The following HIP1 variants were observed in gnomAD, a reference collection of about 807,000 sequenced individuals.
HIP1 encodes the protein huntingtin-interacting protein 1.
Under a neutral mutation model 147.6 loss-of-function variants are expected in HIP1, and 65 were observed. The observed-to-expected ratio is 0.44, with a 90% confidence interval of 0.36 to 0.54. HIP1 has a LOEUF of 0.54. HIP1 is among the 20% of genes least tolerant of loss of function. HIP1 has a pLI of 0.00. For missense variants in HIP1, 1,061 were observed against 1,299.6 expected, an observed-to-expected ratio of 0.82 and a Z score of 2.82; for synonymous variants, 479 against 504.0, an observed-to-expected ratio of 0.95 and a Z score of 0.67.
rs782666524 is a variant in HIP1, at chr7:75,558,218, T to C, written c.1413A>G (p.Leu471=). Reference sequence around the variant, plus strand: ...GAACCAGCTCGCTGTACTTCTCCTTTAGCTTGCTATATCGCTGTTCATTGG... The same window carrying C: ...GAACCAGCTCGCTGTACTTCTCCTTCAGCTTGCTATATCGCTGTTCATTGG... ...AQANEQRYSK[L]KEKYSELVQN... The change falls in exon 15 of 31, where the codon CTA becomes CTG. Residue 471 remains leucine, a synonymous_variant. Transcript: ENST00000336926. 6.2e-7 allele frequency: 1 copy of C among 1,614,208 alleles called. No homozygotes were observed. Among genetic ancestry groups the C allele is most frequent in the Non-Finnish European group, 8.5e-7 (1 of 1,180,014 alleles).
chr7:75,695,904 T>A (rs1800620138), intron 1 of HIP1, among the ~76,000 whole-genome samples: 1 of 151,610 alleles, frequency 6.6e-6, no homozygotes, highest in African/African-American at 2.4e-5. Context: ...CCTCTCCACC[T>A]GCCTTCAGTT....
At chr7:75,724,279 C>T (rs550899996) in intron 1 of HIP1, among the ~76,000 whole-genome samples, 1 of 148,670 alleles carries the variant, frequency 6.7e-6, no homozygotes, top group Non-Finnish European at 1.5e-5. Context: ...GGCTGAGTCT[C>T]ACTCTGTCGC....
chr7:75,573,674 G>A (rs960821314), intron 8 of HIP1, 87 bp downstream of exon 8: 34 of 1,362,854 alleles, frequency 2.5e-5, no homozygotes, highest in Non-Finnish European at 3.3e-5. Context: ...CACTGAGAAG[G>A]ACTGCGTTTC....
chr7:75,612,353 T>C (rs377461642), intron 1 of HIP1, among the ~76,000 whole-genome samples: 4 of 151,820 alleles, frequency 2.6e-5, no homozygotes, highest in African/African-American at 9.7e-5. Context: ...CTACTAAAAA[T>C]ACAAAATTAG....
intron 8 of HIP1, 86 bp downstream of exon 8, chr7:75,573,675 A>G (rs879969347): frequency 3.3e-5 from 45 of 1,368,664 alleles, no homozygotes; most frequent in Non-Finnish European, 4.2e-5. Context: ...ACTGAGAAGG[A>G]CTGCGTTTCT....
intron 1 of HIP1, among the ~76,000 whole-genome samples, chr7:75,650,934 G>T (rs2054111566): frequency 6.6e-6 from 1 of 152,116 alleles, no homozygotes; most frequent in Admixed American, 6.6e-5. Context: ...TGGCCTTGGG[G>T]GCAGAGTGAG....
chr7:75,611,886 T>TCCTCCCTC (rs1346897266), intron 1 of HIP1: 5 of 1,015,582 alleles, frequency 4.9e-6, no homozygotes, highest in African/African-American at 1.7e-5. Flanking sequence ...CAGCCTCTCT[T>TCCTCCCTC]CCTCCCTCCC....
intron 2 of HIP1, among the ~76,000 whole-genome samples, chr7:75,594,202 C>T (rs949700232): frequency 2.6e-5 from 4 of 151,780 alleles, no homozygotes; most frequent in Non-Finnish European, 5.9e-5. Flanking sequence ...ATTGCTTGAA[C>T]CCGGGAGGCA....
intron 1 of HIP1, among the ~76,000 whole-genome samples, chr7:75,603,343 CAAAAA>C (rs10546584): frequency 7.8e-6 from 1 of 127,538 alleles, no homozygotes; most frequent in Non-Finnish European, 1.7e-5. Flanking sequence ...GCGAGACTCT[CAAAAA>C]AAAAAAAAAA....
intron 1 of HIP1, among the ~76,000 whole-genome samples, chr7:75,685,427 G>A (rs947893044): frequency 6.6e-6 from 1 of 152,186 alleles, no homozygotes; most frequent in African/African-American, 2.4e-5. Flanking sequence ...TGCTCCCTAC[G>A]GTTCACATTT....
At position 75,592,502 on chromosome 7, in the gene HIP1, C is replaced by A; in HGVS notation, c.197G>T (p.Gly66Val). 1 of 1,610,812 alleles carries A rather than the reference C, an allele frequency of 6.2e-7. No individual in the cohort carries two copies. The highest frequency in any genetic ancestry group is 2.2e-5 in the East Asian group (1 of 44,862). The change falls in exon 3 of 31, where the codon GGC becomes GTC. Residue 66 changes from glycine (G) to valine (V), a missense_variant. By Grantham distance (109) the Gly-to-Val change is moderately radical. Coordinates refer to ENST00000336926, the MANE Select transcript of HIP1 (RefSeq NM_005338.7). ...KEKHARTCIL[G>V]THHEKGAQTF... The stretch of plus-strand genomic sequence containing the variant: ...CTGTGCCCCTTTCTCATGGTGGGTG[C>A]CCAGTATGCACGGTGAGGGGGGGTT...
chr7:75,549,277 C>A (rs1438440178), intron 22 of HIP1, among the ~76,000 whole-genome samples: 3 of 152,102 alleles, frequency 2.0e-5, no homozygotes, highest in Non-Finnish European at 2.9e-5. Flanking sequence ...CACTAAGACC[C>A]CAGTCCCTTA....
chr7:75,602,774 G>A lies in HIP1; in HGVS notation c.121-3527C>T, dbSNP rs371211967. ...GTTGTAAGTTGAATTGTATACCCCCGCCCCACAAAAATATATAATCACGCC... is the reference window on the plus strand; with the variant it reads ...GTTGTAAGTTGAATTGTATACCCCCACCCCACAAAAATATATAATCACGCC... On this transcript the variant is annotated intron_variant, in intron 1 of 30. Transcript: ENST00000336926. Among the ~76,000 whole-genome samples the A allele has an allele frequency of 1.0e-4, 15 of 147,298 alleles. No individual in the cohort carries two copies. In the East Asian group the frequency reaches 1.8e-3, roughly 18 times the overall value.
chr7:75,553,702 T>A (rs1794879629), intron 21 of HIP1, 113 bp from the exon 22 acceptor site: 1 of 921,472 alleles, frequency 1.1e-6, no homozygotes, highest in Admixed American at 2.5e-5. Flanking sequence ...GCCTCCTGAG[T>A]TCAAGCGATT....
rs952113697 is a variant in HIP1, at chr7:75,536,628, A to G, written c.*1544T>C. Reference sequence around the variant, plus strand: ...TGCCCTCTGTCCTCATCCTGTCCACAGGGCAGCGAGAGCCTGGGGCATGTG... The same window carrying G: ...TGCCCTCTGTCCTCATCCTGTCCACGGGGCAGCGAGAGCCTGGGGCATGTG... On this transcript the variant is annotated 3_prime_UTR_variant, in exon 31 of 31. Transcript: ENST00000336926. The G allele has an allele frequency of 1.3e-4, 29 of 229,930 alleles. No homozygotes were observed. Among genetic ancestry groups the G allele is most frequent in the African/African-American group, 6.0e-4 (27 of 45,142 alleles). 14.2% of individuals were successfully genotyped at this position (229,930 alleles called of 1,614,324 possible).
At chr7:75,578,867 G>C (rs1795936449) in intron 7 of HIP1, among the ~76,000 whole-genome samples, 1 of 151,688 alleles carries the variant, frequency 6.6e-6, no homozygotes, top group Admixed American at 6.6e-5. Flanking sequence ...CCGGGCTGGA[G>C]TGCAGTGGTG....
intron 1 of HIP1, among the ~76,000 whole-genome samples, chr7:75,612,971 G>T (rs1465569493): frequency 1.3e-5 from 2 of 152,066 alleles, no homozygotes; most frequent in African/African-American, 4.8e-5. Flanking sequence ...GGGCATGGTG[G>T]CAGGTGCCTG....
rs781942028 is a variant in HIP1, at chr7:75,582,104, G to A, written c.513C>T (p.Asp171=). Residue 171 remains aspartate (D), a synonymous_variant, in exon 6 of 31, where the codon GAC becomes GAT. Transcript: ENST00000336926. ...TGTTCACGTCACTTTCTCCAGCCTC[G>A]TCCAGCTGGCGGTCACTCATCTGCA... is the stretch of plus-strand genomic sequence containing the variant. ...GNLQMSDRQL[D]EAGESDVNNF... 7 of 1,613,962 alleles carry A rather than the reference G, an allele frequency of 4.3e-6. No individual in the cohort carries two copies. Among genetic ancestry groups the A allele is most frequent in the East Asian group, 2.2e-5 (1 of 44,864 alleles).
At chr7:75,570,621 G>A (rs1167848957) in intron 8 of HIP1, among the ~76,000 whole-genome samples, 9 of 151,960 alleles carry the variant, frequency 5.9e-5, no homozygotes, top group African/African-American at 1.7e-4. Context: ...ACTAATATAC[G>A]AACAAAGGGA....
Sources: gnomAD v4.1 joint callset for allele counts (sites outside exome capture counted in the v4.1 genomes callset) on GRCh38, gnomAD v4.1.1 for gene constraint, MANE v1.5 for transcripts, NCBI Gene and HGNC (gene_info 2026-07-23, HGNC 2026-07-21) for gene names.